The following GRHL2 variants were observed in gnomAD, a reference collection of about 807,000 sequenced individuals.
GRHL2 encodes the protein grainyhead-like protein 2 homolog.
GRHL2 carries 21 observed loss-of-function variants against 83.8 expected under a neutral mutation model. The ratio of observed to expected loss-of-function variants is 0.25; its 90% confidence interval spans 0.18 to 0.36. The LOEUF is 0.36. GRHL2 is among the 10% of genes least tolerant of loss of function. The pLI, the probability that GRHL2 is intolerant of heterozygous loss-of-function variation, is 1.00. For synonymous variants in GRHL2, 280 were observed against 278.9 expected, an observed-to-expected ratio of 1.00 and a Z score of -0.04; for missense variants, 623 against 781.8, an observed-to-expected ratio of 0.80 and a Z score of 2.42.
intron 8 of GRHL2, among the ~76,000 whole-genome samples, chr8:101,610,328 C>T (rs1282631576): frequency 5.3e-5 from 8 of 150,918 alleles, no homozygotes; most frequent in Non-Finnish European, 1.0e-4. Context: ...ACAAAATCCC[C>T]AGGGAGAGAA....
At chr8:101,570,063 G>T (rs570406594) in intron 4 of GRHL2, among the ~76,000 whole-genome samples, 1 of 152,296 alleles carries the variant, frequency 6.6e-6, no homozygotes, top group East Asian at 1.9e-4. Context: ...TTATCTATTT[G>T]AGGAAACAGC....
intron 9 of GRHL2, among the ~76,000 whole-genome samples, chr8:101,620,245 T>C (rs542868214): frequency 6.6e-6 from 1 of 152,320 alleles, no homozygotes; most frequent in African/African-American, 2.4e-5. Flanking sequence ...CAAAATTTCA[T>C]CTACAAATAC....
chr8:101,538,874 G>T (rs1403743214), intron 1 of GRHL2, among the ~76,000 whole-genome samples: 1 of 152,148 alleles, frequency 6.6e-6, no homozygotes, highest in Admixed American at 6.5e-5. Context: ...AGCATAAAAG[G>T]CCCCTGTGGC....
chr8:101,675,314 C>G, the GRHL2 span, among the ~76,000 whole-genome samples: 55 of 152,152 alleles, frequency 3.6e-4, 1 homozygote, highest in African/African-American at 1.3e-3. Flanking sequence ...AAAACCCCAT[C>G]GTCTCAGCTC....
downstream of GRHL2, among the ~76,000 whole-genome samples, chr8:101,671,577 G>A (rs1185590339): frequency 1.3e-5 from 2 of 152,218 alleles, no homozygotes; most frequent in Non-Finnish European, 2.9e-5. Flanking sequence ...AAGGAGACCT[G>A]CCTGCCTGCC....
At chr8:101,620,007 T>G (rs1272276165) in intron 9 of GRHL2, among the ~76,000 whole-genome samples, 2 of 152,090 alleles carry the variant, frequency 1.3e-5, no homozygotes, top group Non-Finnish European at 2.9e-5. Context: ...CTGAAATGTA[T>G]TCCTCAAAGT....
In GRHL2 at chr8:101,651,980, G is replaced by A. The variant is rs563537754; in HGVS notation, c.1698+2481G>A. Among the ~76,000 whole-genome samples the A allele has an allele frequency of 4.6e-5, 7 of 152,262 alleles. No homozygotes were observed. In the East Asian group the frequency reaches 9.7e-4, roughly 21 times the overall value. On this transcript the variant is annotated intron_variant, in intron 14 of 15. Transcript: ENST00000646743. ...CAGTCTGGAATGACAAAGCAGCCCC[G>A]GCAACTTGGGGGCAGCCATGAAGGA...
intron 1 of GRHL2, among the ~76,000 whole-genome samples, chr8:101,509,187 T>TCTTTCTTCTTTCTTTCTGTC: frequency 4.7e-5 from 1 of 21,094 alleles, no homozygotes; most frequent in African/African-American, 8.0e-5. Flanking sequence ...TTTCTTTCTT[T>TCTTTCTTCTTTCTTTCTGTC]TCTCTCTTTC....
At chr8:101,616,304 G>A (rs1786201680) in intron 8 of GRHL2, among the ~76,000 whole-genome samples, 1 of 151,922 alleles carries the variant, frequency 6.6e-6, no homozygotes, top group Non-Finnish European at 1.5e-5. Flanking sequence ...CTGAGTAGCT[G>A]GGATTACAGG....
chr8:101,561,694 T>C (rs1370447961), intron 4 of GRHL2, among the ~76,000 whole-genome samples: 1 of 152,224 alleles, frequency 6.6e-6, no homozygotes, highest in Non-Finnish European at 1.5e-5. Flanking sequence ...TTGCCATTAG[T>C]TATTGTACAA....
At chr8:101,596,050 G>A (rs1399129054) in intron 7 of GRHL2, among the ~76,000 whole-genome samples, 6 of 152,164 alleles carry the variant, frequency 3.9e-5, no homozygotes, top group African/African-American at 1.4e-4. Context: ...AACCTGGGAG[G>A]CAGAGCTTGC....
At chr8:101,606,523 A>C (rs1322974588) in intron 8 of GRHL2, among the ~76,000 whole-genome samples, 1 of 152,216 alleles carries the variant, frequency 6.6e-6, no homozygotes, top group African/African-American at 2.4e-5. Flanking sequence ...GTGCAAGTTG[A>C]AAGTAAAATG....
At chr8:101,622,934 ATGTTTGATTTTCCATTCC>A (rs1812994235) in intron 9 of GRHL2, among the ~76,000 whole-genome samples, 1 of 152,184 alleles carries the variant, frequency 6.6e-6, no homozygotes. Flanking sequence ...AGAACATATG[ATGTTTGATTTTCCATTCC>A]TGAGTTACAT....
intron 7 of GRHL2, among the ~76,000 whole-genome samples, chr8:101,585,604 A>G (rs1812147310): frequency 6.6e-6 from 1 of 152,148 alleles, no homozygotes; most frequent in Non-Finnish European, 1.5e-5. Flanking sequence ...TGCTGTTATC[A>G]CGAGTTCATG....
At chr8:101,505,594 A>ATTTTTTTTTTTTTTTTTTTG (rs1183510078) in intron 1 of GRHL2, among the ~76,000 whole-genome samples, 5 of 151,674 alleles carry the variant, frequency 3.3e-5, no homozygotes, top group African/African-American at 1.2e-4. Context: ...AAAAAAAAAA[A>ATTTTTTTTTTTTTTTTTTTG]AAACAGTGTA....
downstream of GRHL2, among the ~76,000 whole-genome samples, chr8:101,670,349 A>ACAT (rs770352179): frequency 3.9e-5 from 6 of 152,168 alleles, no homozygotes; most frequent in Middle Eastern, 3.2e-3. Context: ...ACATTCTTCT[A>ACAT]CATCTTCCCA....
chr8:101,671,005 G>A (rs1165720305), downstream of GRHL2, among the ~76,000 whole-genome samples: 1 of 152,184 alleles, frequency 6.6e-6, no homozygotes, highest in Non-Finnish European at 1.5e-5. Context: ...CAGCAAGAAA[G>A]AGGAAGAGGA....
chr8:101,676,774 C>A, the GRHL2 span, among the ~76,000 whole-genome samples: 82 of 152,166 alleles, frequency 5.4e-4, 1 homozygote, highest in East Asian at 0.015. Context: ...ATGTTTATTG[C>A]GGTACTATTC....
intron 1 of GRHL2, among the ~76,000 whole-genome samples, chr8:101,542,562 A>C (rs1811175777): frequency 6.6e-6 from 1 of 152,082 alleles, no homozygotes; most frequent in Admixed American, 6.5e-5. Flanking sequence ...TCAGAAAAAA[A>C]AAAAAAAGAA....
Sources: allele counts gnomAD v4.1 joint callset (sites outside exome capture counted in the v4.1 genomes callset), GRCh38; gene constraint gnomAD v4.1.1; transcripts MANE v1.5; gene names NCBI Gene and HGNC (gene_info 2026-07-23, HGNC 2026-07-21).